Variants in ROS1 observed in about 807,000 individuals in gnomAD.
ROS1 encodes proto-oncogene tyrosine-protein kinase ROS.
In ROS1, 263 loss-of-function variants were observed where a neutral mutation model predicts 273.5. The ratio of observed to expected loss-of-function variants is 0.96; its 90% CI spans 0.87 to 1.06. ROS1 has a LOEUF of 1.06. Among genes scored for constraint, ROS1 ranks in the 50% least tolerant of loss-of-function variants. The pLI is 0.00. For missense variants in ROS1, 2,833 were observed against 2,751.1 expected, an observed-to-expected ratio of 1.03 and a Z score of -0.67; for synonymous variants, 1,008 against 954.1, an observed-to-expected ratio of 1.06 and a Z score of -1.04.
intron 32 of ROS1, among the ~76,000 whole-genome samples, chr6:117,331,135 A>G (rs938811356): frequency 6.6e-6 from 1 of 152,226 alleles, no homozygotes; most frequent in Non-Finnish European, 1.5e-5. Context: ...ATCAGTTTAG[A>G]GAGGAACACA....
chr6:117,406,004 T>G (rs976312417), intron 5 of ROS1, among the ~76,000 whole-genome samples: 1 of 152,082 alleles, frequency 6.6e-6, no homozygotes, highest in African/African-American at 2.4e-5. Context: ...ATAGCTATTT[T>G]TGGCCAGGCA....
At chr6:117,372,116 T>A (rs1780841680) in intron 18 of ROS1, among the ~76,000 whole-genome samples, 1 of 152,164 alleles carries the variant, frequency 6.6e-6, no homozygotes, top group Non-Finnish European at 1.5e-5. Flanking sequence ...AAAAGCCATC[T>A]ATGACAAACG....
intron 43 of ROS1, among the ~76,000 whole-genome samples, chr6:117,291,431 C>T (rs1562241085): frequency 1.3e-5 from 2 of 152,154 alleles, no homozygotes; most frequent in African/African-American, 2.4e-5. Flanking sequence ...TCTAGCAGGT[C>T]ATAAGTAATC....
intron 43 of ROS1, among the ~76,000 whole-genome samples, chr6:117,299,873 T>A (rs1042987200): frequency 5.3e-5 from 8 of 152,000 alleles, no homozygotes; most frequent in African/African-American, 1.9e-4. Flanking sequence ...TACATTTAAG[T>A]AAAAGGCTTA....
At chr6:117,425,412 T>C (rs1193979888) in intron 1 of ROS1, 122 bp downstream of exon 1, 1 of 934,808 alleles carries the variant, frequency 1.1e-6, no homozygotes, top group East Asian at 2.8e-5. Flanking sequence ...TATCTTGCCT[T>C]GTTGCCACCA....
At chr6:117,341,372 T>G (rs1777904966) in intron 30 of ROS1, 28 bp downstream of exon 30, 1 of 1,611,778 alleles carries the variant, frequency 6.2e-7, no homozygotes, top group African/African-American at 1.3e-5. Context: ...AGAATGACAA[T>G]AAAGAGTGCC....
intron 39 of ROS1, among the ~76,000 whole-genome samples, chr6:117,315,369 TG>T (rs1457511739): frequency 6.6e-6 from 1 of 152,026 alleles, no homozygotes; most frequent in African/African-American, 2.4e-5. Context: ...AAAAAAATCC[TG>T]GAACTGAAGG....
At chr6:117,303,660 A>AG (rs1416127052) in intron 42 of ROS1, among the ~76,000 whole-genome samples, 5 of 152,208 alleles carry the variant, frequency 3.3e-5, no homozygotes, top group Non-Finnish European at 7.3e-5. Flanking sequence ...CAACACTACA[A>AG]GGGGAAGCTT....
chr6:117,381,184 T>G (rs1038888423), intron 17 of ROS1, among the ~76,000 whole-genome samples: 3 of 106,294 alleles, frequency 2.8e-5, no homozygotes, highest in Non-Finnish European at 5.9e-5. Flanking sequence ...CAGAGGACTG[T>G]TTTTTTTTTT....
At position 117,341,107 on chromosome 6, in the gene ROS1, A is replaced by C. The variant is rs1301770147; in HGVS notation, c.5061+28T>G. ...CCCTTTCCAATTTATTCTATATCAT[A>C]AAATAAAGACTTGCATTAAAAGTCT... On this transcript the variant is annotated intron_variant, in intron 31 of 43. Coordinates refer to ENST00000368507, the MANE Select transcript of ROS1 (RefSeq NM_001378902.1). The C allele has an allele frequency of 2.0e-6, 3 of 1,496,250 alleles. No homozygotes were observed. The African/African-American group carries it at 4.2e-5, about 21-fold the overall frequency. The allele number at this position is 1,496,250 out of a possible 1,614,324, so 92.7% of individuals were successfully genotyped here. A position where few individuals can be genotyped will look rare whatever the true frequency, so the allele number is the denominator to read the frequency against.
intron 42 of ROS1, among the ~76,000 whole-genome samples, chr6:117,303,045 T>A (rs1306040083): frequency 2.0e-5 from 3 of 152,194 alleles, no homozygotes; most frequent in Non-Finnish European, 4.4e-5. Context: ...AAATTGTATG[T>A]TTTTACACAG....
intron 7 of ROS1, among the ~76,000 whole-genome samples, chr6:117,402,705 T>C (rs893472288): frequency 1.3e-5 from 2 of 152,088 alleles, no homozygotes; most frequent in Non-Finnish European, 2.9e-5. Context: ...CTGGCCAGCA[T>C]GGTGAAACCC....
chr6:117,359,894 C>G lies in ROS1; in HGVS notation c.3548G>C (p.Cys1183Ser). ...FSAERVISAV[C>S]YTADNEMGYY... ...TCCCATCTCATTATCAGCTGTGTAG[C>G]AAACGGCACTGATAACTCTTTCTGC... is the stretch of plus-strand genomic sequence containing the variant. Residue 1183 changes from cysteine (C) to serine (S), a missense_variant, in exon 24 of 44, where the codon TGC (cysteine) becomes TCC (serine). Cys to Ser is a moderately radical substitution (Grantham distance 112). Transcript: ENST00000368507. 6.2e-7 allele frequency: 1 copy of G among 1,613,864 alleles called. No homozygotes were observed. The highest frequency in any genetic ancestry group is 8.5e-7 in the Non-Finnish European group (1 of 1,179,834).
intron 4 of ROS1, among the ~76,000 whole-genome samples, chr6:117,411,859 A>G (rs9374657): frequency 0.062 from 9,428 of 152,288 alleles, 414 homozygotes; most frequent in East Asian, 0.16. Context: ...AAGGAGGTAG[A>G]TAATAACTGA....
rs2128520982 is a variant in ROS1, at chr6:117,288,658, C to A, written c.6860G>T (p.Gly2287Val). The change falls in exon 44 of 44, where the codon GGC (glycine) becomes GTC (valine). Residue 2287 changes from glycine (G) to valine (V), a missense_variant. By Grantham distance (109) the Gly-to-Val change is moderately radical. Transcript: ENST00000368507. ...ACCACAAGATTCAGATTCCTGGGAGCCTAGAGGACCCTCAGACTTTTCTTC... is the reference window on the plus strand; with the variant it reads ...ACCACAAGATTCAGATTCCTGGGAGACTAGAGGACCCTCAGACTTTTCTTC... ...QGEEKSEGPL[G>V]SQESESCGLR... is the part of the protein sequence containing the mutation. 6.2e-7 allele frequency: 1 copy of A among 1,614,080 alleles called. No individual in the cohort carries two copies. The highest frequency in any genetic ancestry group is 1.1e-5 in the South Asian group (1 of 91,064).
intron 32 of ROS1, among the ~76,000 whole-genome samples, chr6:117,332,868 C>G (rs1394211688): frequency 6.6e-6 from 1 of 152,118 alleles, no homozygotes; most frequent in Non-Finnish European, 1.5e-5. Context: ...ATTCATAGCA[C>G]TAAATGCCCA....
chr6:117,409,492 T>C, intron 5 of ROS1, 90 bp downstream of exon 5: 2 of 876,082 alleles, frequency 2.3e-6, no homozygotes, highest in Non-Finnish European at 3.9e-6. Context: ...GAAATCAAGA[T>C]GTTTTGAGAG....
chr6:117,357,352 C>T (rs1248489695), intron 25 of ROS1, among the ~76,000 whole-genome samples: 7 of 152,100 alleles, frequency 4.6e-5, no homozygotes, highest in South Asian at 2.1e-4. Context: ...TTCCAGCCTG[C>T]GAAATTGCTA....
At position 117,318,252 on chromosome 6, in the gene ROS1, T is replaced by G. The variant is rs768571352; in HGVS notation, c.5923A>C (p.Thr1975Pro). 7 of 1,611,658 alleles carry G rather than the reference T, an allele frequency of 4.3e-6. No individual in the cohort carries two copies. In the South Asian group the frequency reaches 7.7e-5, roughly 18 times the overall value. Residue 1975 changes from threonine (T) to proline (P), a missense_variant and splice_region_variant, in exon 38 of 44, where the codon ACT (threonine) becomes CCT (proline). Transcript: ENST00000368507. ...GSGEIKVAVK[T>P]LKKGSTDQEK... ...TGGTCTGTGGAACCCTTCTTCAAAGTCTATACAACATAAAAACAAGTCAGG... is the reference window on the plus strand; with the variant it reads ...TGGTCTGTGGAACCCTTCTTCAAAGGCTATACAACATAAAAACAAGTCAGG...
Sources: allele counts gnomAD v4.1 joint callset (sites outside exome capture counted in the v4.1 genomes callset), GRCh38; gene constraint gnomAD v4.1.1; transcripts MANE v1.5; gene names NCBI Gene and HGNC (gene_info 2026-07-23, HGNC 2026-07-21).